Variants in SLC13A3 observed in about 807,000 individuals in gnomAD.
SLC13A3 encodes Na(+)/dicarboxylate cotransporter 3.
Under a neutral mutation model 59.0 loss-of-function variants are expected in SLC13A3, and 40 were observed. The ratio of observed to expected loss-of-function variants is 0.68; its 90% CI spans 0.53 to 0.88. The LOEUF (loss-of-function observed/expected upper bound fraction) is 0.88, where lower values mean the gene tolerates loss of function less well. Ranked by LOEUF, SLC13A3 falls within the 40% of genes least tolerant of loss-of-function variation. The pLI is 0.00. For missense variants in SLC13A3, 699 were observed against 783.2 expected (o/e 0.89, Z 1.28); for synonymous variants, 317 against 330.3 (o/e 0.96, Z 0.44).
intron 1 of SLC13A3, among the ~76,000 whole-genome samples, chr20:46,618,945 A>G (rs2062588681): frequency 6.6e-6 from 1 of 152,190 alleles, no homozygotes; most frequent in Admixed American, 6.5e-5. Flanking sequence ...CAGTGGGATA[A>G]CTGAGGCATG....
intron 1 of SLC13A3, among the ~76,000 whole-genome samples, chr20:46,664,972 G>T (rs1401092886): frequency 6.6e-6 from 1 of 152,146 alleles, no homozygotes; most frequent in East Asian, 1.9e-4. Context: ...CCCAAGTAGG[G>T]ATTTTCACAC....
At chr20:46,593,527 T>A (rs2062280667) in intron 5 of SLC13A3, among the ~76,000 whole-genome samples, 1 of 152,210 alleles carries the variant, frequency 6.6e-6, no homozygotes, top group Non-Finnish European at 1.5e-5. Context: ...TAAGAGGTTT[T>A]TATTTCCTCC....
intron 3 of SLC13A3, 53 bp from the exon 4 acceptor site, chr20:46,600,090 G>A (rs1600540603): frequency 1.4e-6 from 2 of 1,384,468 alleles, no homozygotes; most frequent in Non-Finnish European, 2.0e-6. Context: ...TGGAACAGGA[G>A]TGTCCCAAAT....
intron 7 of SLC13A3, among the ~76,000 whole-genome samples, chr20:46,588,557 T>A (rs1344701153): frequency 6.6e-6 from 1 of 151,604 alleles, no homozygotes; most frequent in African/African-American, 2.4e-5. Flanking sequence ...GGAGCATTCA[T>A]ACAGAGAGAG....
In SLC13A3 at chr20:46,587,369, AC is replaced by A. The variant is rs546677605; in HGVS notation, c.1121+689del. Among the ~76,000 whole-genome samples the A allele has an allele frequency of 3.2e-3, 491 of 152,222 alleles. 3 individuals are homozygous for A. The highest frequency in any genetic ancestry group is 0.011 in the African/African-American group (471 of 41,484). On this transcript the variant is annotated intron_variant, in intron 8 of 12. Transcript: ENST00000279027. ...GCTGCCCACTGCTCACAGAAAAAAA[AC>A]AAACCAAAATGCATAACATGCCCGA...
rs3092034 is a variant in SLC13A3 at position 46,596,379 on chromosome 20, A to G, written c.609-37T>C. On this transcript the variant is annotated intron_variant, in intron 4 of 12. Transcript: ENST00000279027. ...TCCAAAGAGAAGCCATTCAGAATAC[A>G]TGGAGAACAGGCCACAGACTGCCTG... 25,599 of 1,594,116 alleles carry G rather than the reference A, an allele frequency of 0.016. 2,922 individuals are homozygous for G. In the African/African-American group the frequency reaches 0.27, roughly 17 times the overall value.
chr20:46,631,807 T>A (rs563651564), intron 1 of SLC13A3, among the ~76,000 whole-genome samples: 3 of 151,772 alleles, frequency 2.0e-5, no homozygotes, highest in East Asian at 3.9e-4. Context: ...GAGAAAAAAA[T>A]GCCATGTCAG....
chr20:46,561,385 T>C (rs1352738861), intron 12 of SLC13A3, among the ~76,000 whole-genome samples: 4 of 152,314 alleles, frequency 2.6e-5, no homozygotes, highest in Non-Finnish European at 5.9e-5. Context: ...ATAAACTTCC[T>C]AAATTTACTG....
intron 2 of SLC13A3, among the ~76,000 whole-genome samples, chr20:46,612,124 C>CTTGTT (rs2062504425): frequency 1.5e-5 from 1 of 68,934 alleles, no homozygotes; most frequent in African/African-American, 6.7e-5. Flanking sequence ...TCTCTCTTTG[C>CTTGTT]TTTTTTTTTT....
intron 1 of SLC13A3, among the ~76,000 whole-genome samples, chr20:46,643,340 G>A (rs1311911955): frequency 6.6e-6 from 1 of 152,214 alleles, no homozygotes; most frequent in Non-Finnish European, 1.5e-5. Flanking sequence ...TTTAGATAGG[G>A]TCTAAAGATA....
At chr20:46,582,791 C>A in intron 9 of SLC13A3, 1 of 985,338 alleles carries the variant, frequency 1.0e-6, no homozygotes. Context: ...TTCCTGACTC[C>A]GGAGGAGCTC....
intron 1 of SLC13A3, among the ~76,000 whole-genome samples, chr20:46,634,008 G>A (rs2062771412): frequency 1.3e-5 from 2 of 152,182 alleles, no homozygotes; most frequent in Admixed American, 1.3e-4. Context: ...CTAGCCCAGG[G>A]CCCTAGTCCT....
At chr20:46,665,208 G>A (rs2063055622) in intron 1 of SLC13A3, among the ~76,000 whole-genome samples, 1 of 151,782 alleles carries the variant, frequency 6.6e-6, no homozygotes, top group Non-Finnish European at 1.5e-5. Flanking sequence ...CAAGGCTTCA[G>A]AGAGTGGTGT....
At chr20:46,644,680 A>G (rs2062876976) in intron 1 of SLC13A3, among the ~76,000 whole-genome samples, 1 of 152,198 alleles carries the variant, frequency 6.6e-6, no homozygotes, top group Non-Finnish European at 1.5e-5. Context: ...ATCAGGGCAG[A>G]GGCTAGAGAT....
intron 3 of SLC13A3, among the ~76,000 whole-genome samples, chr20:46,605,011 T>C (rs545327104): frequency 2.0e-5 from 3 of 152,236 alleles, no homozygotes; most frequent in African/African-American, 7.2e-5. Flanking sequence ...AGGTTACAGA[T>C]AGGGAAACTG....
chr20:46,591,362 G>T lies in SLC13A3; in HGVS notation c.920+1042C>A, dbSNP rs1223712848. On this transcript the variant is annotated intron_variant, in intron 6 of 12. Coordinates refer to ENST00000279027, the MANE Select transcript of SLC13A3 (RefSeq NM_022829.6). ...AAGAGGCCCATGGTTGGGAAGAGGG[G>T]TTCTCACTGCATACCTCTTAGCGCT... 2.0e-5 allele frequency among the ~76,000 whole-genome samples: 3 copies of T among 152,176 alleles called. No homozygotes were observed. In the East Asian group the frequency reaches 5.8e-4, roughly 29 times the overall value.
At chr20:46,563,060 C>T (rs1209007158) in intron 12 of SLC13A3, among the ~76,000 whole-genome samples, 1 of 152,182 alleles carries the variant, frequency 6.6e-6, no homozygotes, top group Non-Finnish European at 1.5e-5. Context: ...CCGCTTCTGT[C>T]TCCTTCCCAG....
Position 46,559,869 on chromosome 20 carries a change from C to T in SLC13A3, c.*153G>A. On this transcript the variant is annotated 3_prime_UTR_variant, in exon 13 of 13. Coordinates refer to ENST00000279027, the MANE Select transcript of SLC13A3 (RefSeq NM_022829.6). ...AGAGAAAGTATCCTAGATAATGGCT[C>T]ATGGACTTGAGTGGGCCACTGGAGG... The T allele has an allele frequency of 1.5e-6, 1 of 671,046 alleles. No individual in the cohort carries two copies. The highest frequency in any genetic ancestry group is 2.7e-5 in the East Asian group (1 of 36,382). The allele number at this position is 671,046 out of a possible 1,614,324, so 41.6% of individuals were successfully genotyped here. A position where few individuals can be genotyped will look rare whatever the true frequency, so the allele number is the denominator to read the frequency against.
chr20:46,583,973 G>A, intron 8 of SLC13A3: 2 of 985,298 alleles, frequency 2.0e-6, no homozygotes, highest in South Asian at 4.7e-5. Context: ...GCAGAATATT[G>A]GAGTCCTTGG....
Sources: gnomAD v4.1 joint callset for allele counts (sites outside exome capture counted in the v4.1 genomes callset) on GRCh38, gnomAD v4.1.1 for gene constraint, MANE v1.5 for transcripts, NCBI Gene and HGNC (gene_info 2026-07-23, HGNC 2026-07-21) for gene names.